Variants in ZNF808 observed in about 807,000 individuals in gnomAD.
The protein encoded by ZNF808 is zinc finger protein 808.
ZNF808 carries 5 observed loss-of-function variants against 8.7 expected under a neutral mutation model. The ratio of observed to expected loss-of-function variants is 0.58; its 90% confidence interval spans 0.30 to 1.21. ZNF808 has a LOEUF of 1.21. ZNF808 is among the 50% of genes most tolerant of loss of function. The probability of loss-of-function intolerance (pLI) is 0.07; values close to 1 mark genes in which losing one functional copy is unlikely to be tolerated. For missense variants in ZNF808, 1,103 were observed against 1,098.4 expected, an observed-to-expected ratio of 1.00 and a Z score of -0.06; for synonymous variants, 380 against 366.0, an observed-to-expected ratio of 1.04 and a Z score of -0.44.
At chr19:52,550,070 T>C (rs326449) in intron 4 of ZNF808, among the ~76,000 whole-genome samples, 51,702 of 152,002 alleles carry the variant, frequency 0.34, 9,752 homozygotes, top group East Asian at 0.52. Context: ...GTACTGCCTG[T>C]GCTGACTATT....
At chr19:52,568,494 A>T (rs922347346), downstream of ZNF808, among the ~76,000 whole-genome samples, 2 of 140,058 alleles carry the variant, frequency 1.4e-5, no homozygotes, top group Non-Finnish European at 3.3e-5. Context: ...ACCTCCTGGC[A>T]TCATTGTCCC....
chr19:52,564,107 G>A (rs1216904113), exon 4 of ZNF808: 12 of 660,198 alleles, frequency 1.8e-5, no homozygotes, highest in East Asian at 1.8e-4. Context: ...AGGATTAAGC[G>A]GTTTCTGGCC....
In ZNF808 at chr19:52,555,615, G is replaced by A. The variant is rs2059829333; in HGVS notation, c.2699G>A (p.Gly900Glu). 4 of 1,597,798 alleles carry A rather than the reference G, an allele frequency of 2.5e-6. No individual in the cohort carries two copies. The highest frequency in any genetic ancestry group is 2.6e-6 in the Non-Finnish European group (3 of 1,172,890). ...LIHHQAIHGIGKFD is the reference protein window; with the variant it reads ...LIHHQAIHGIEKFD The stretch of plus-strand genomic sequence containing the variant: ...CACCATCAGGCAATTCATGGTATAG[G>A]GAAATTTGATTAATATAATGATTGT... Residue 900 changes from glycine to glutamate, a missense_variant, in exon 5 of 5, where the codon GGG becomes GAG. Transcript: ENST00000359798.
downstream of ZNF808, among the ~76,000 whole-genome samples, chr19:52,559,058 G>A (rs1447572502): frequency 6.6e-6 from 1 of 152,194 alleles, no homozygotes; most frequent in Non-Finnish European, 1.5e-5. Context: ...GTGATAGCCT[G>A]AGATATGGCC....
At chr19:52,540,547 T>C (rs1335837345) in intron 2 of ZNF808, among the ~76,000 whole-genome samples, 1 of 152,214 alleles carries the variant, frequency 6.6e-6, no homozygotes, top group African/African-American at 2.4e-5. Context: ...ACCTTTTTTC[T>C]TTACCCTAAC....
At chr19:52,542,968 G>GGGGGGA (rs1568483345) in intron 2 of ZNF808, among the ~76,000 whole-genome samples, 12 of 144,796 alleles carry the variant, frequency 8.3e-5, no homozygotes, top group African/African-American at 3.3e-4. Context: ...TGGGGGGGGG[G>GGGGGGA]TGGAGGCTTT....
At chr19:52,561,246 T>TGTAAGA (rs2059857325), downstream of ZNF808, among the ~76,000 whole-genome samples, 1 of 144,918 alleles carries the variant, frequency 6.9e-6, no homozygotes, top group East Asian at 2.0e-4. Flanking sequence ...ATATACACTT[T>TGTAAGA]TTTTATTATA....
chr19:52,533,809 C>T (rs543628050), intron 2 of ZNF808, among the ~76,000 whole-genome samples: 1 of 119,636 alleles, frequency 8.4e-6, no homozygotes, highest in Admixed American at 1.2e-4. Context: ...TGCCACTGCA[C>T]TGTAGCCTGG....
At chr19:52,534,824 G>T (rs2059590239) in intron 2 of ZNF808, among the ~76,000 whole-genome samples, 1 of 152,066 alleles carries the variant, frequency 6.6e-6, no homozygotes, top group African/African-American at 2.4e-5. Flanking sequence ...AGGAGGCAGA[G>T]GCTGCAGTGA....
At position 52,555,024 on chromosome 19, in the gene ZNF808, G is replaced by T. The variant is rs371915495; in HGVS notation, c.2108G>T (p.Gly703Val). The T allele has an allele frequency of 8.7e-6, 14 of 1,613,546 alleles. No individual in the cohort carries two copies. The highest frequency in any genetic ancestry group is 1.3e-5 in the African/African-American group (1 of 74,736). The change falls in exon 5 of 5, where the codon GGA (glycine) becomes GTA (valine). Residue 703 changes from glycine to valine, a missense_variant. Transcript: ENST00000359798. ...GCAAAACATACTAGAATTCACAGTG[G>T]AATGAAACCTTACAAGTGTAATGAG... ...YVAKHTRIHS[G>V]MKPYKCNECS... is the part of the protein sequence containing the mutation.
At position 52,538,420 on chromosome 19, in the gene ZNF808, A is replaced by AGT. The variant is rs2059634495; in HGVS notation, c.-19-4846_-19-4845insGT. Among the ~76,000 whole-genome samples the AGT allele has an allele frequency of 2.6e-5, 4 of 150,950 alleles. No individual in the cohort carries two copies. In the Admixed American group the frequency reaches 2.7e-4, roughly 10 times the overall value. On this transcript the variant is annotated intron_variant, in intron 2 of 4. Coordinates refer to ENST00000359798, the MANE Select transcript of ZNF808 (RefSeq NM_001039886.4). Reference sequence around the variant, plus strand: ...TGCAATGGCACAATCTTGGCTAATGACTCTCTGTGCCTTTAGAGTTGAAGC... The same window carrying AGT: ...TGCAATGGCACAATCTTGGCTAATGAGTCTCTCTGTGCCTTTAGAGTTGAAGC...
At chr19:52,558,087 CTTTTTTTT>C (rs11410246), downstream of ZNF808, among the ~76,000 whole-genome samples, 1 of 44,304 alleles carries the variant, frequency 2.3e-5, no homozygotes, top group South Asian at 9.6e-4. Context: ...TTCTTTCTTT[CTTTTTTTT>C]TTTTTTTTGA....
chr19:52,536,866 A>G lies in ZNF808; in HGVS notation c.-20+3857A>G, dbSNP rs190080580. Among the ~76,000 whole-genome samples the G allele has an allele frequency of 9.4e-3, 1,428 of 152,252 alleles. 8 individuals carry two copies. The highest frequency in any genetic ancestry group is 0.013 in the Non-Finnish European group (885 of 68,030). ...TAATATGTAGAGATTGAGGACGATC[A>G]AAAGATTGGGGAGAAGGAGCAACAA... On this transcript the variant is annotated intron_variant, in intron 2 of 4. Transcript: ENST00000359798.
chr19:52,537,258 G>T (rs1269354027), intron 2 of ZNF808, among the ~76,000 whole-genome samples: 1 of 151,974 alleles, frequency 6.6e-6, no homozygotes, highest in Non-Finnish European at 1.5e-5. Context: ...GAGGGAAGAA[G>T]GGGATAAATA....
intron 2 of ZNF808, among the ~76,000 whole-genome samples, chr19:52,538,540 A>T (rs1183874925): frequency 6.7e-6 from 1 of 150,068 alleles, no homozygotes; most frequent in Non-Finnish European, 1.5e-5. Context: ...AGGCAGGAGA[A>T]TCACTTGAAC....
intron 2 of ZNF808, among the ~76,000 whole-genome samples, chr19:52,536,224 C>T (rs1033718558): frequency 2.6e-5 from 4 of 152,166 alleles, no homozygotes; most frequent in African/African-American, 9.7e-5. Context: ...TGAACTCGTC[C>T]GGAGGCTGGT....
chr19:52,537,687 C>CAAAA (rs11330924), intron 2 of ZNF808, among the ~76,000 whole-genome samples: 2 of 117,074 alleles, frequency 1.7e-5, no homozygotes, highest in African/African-American at 5.8e-5. Context: ...GACCCTGTCT[C>CAAAA]AAAAAAAAAA....
intron 4 of ZNF808, among the ~76,000 whole-genome samples, chr19:52,550,338 C>T (rs1049946532): frequency 7.3e-5 from 11 of 151,656 alleles, no homozygotes; most frequent in Non-Finnish European, 1.3e-4. Flanking sequence ...TTAAGCGATT[C>T]TCCTTCCTCA....
intron 1 of ZNF808, among the ~76,000 whole-genome samples, chr19:52,529,393 T>A (rs1016975759): frequency 6.6e-6 from 1 of 151,906 alleles, no homozygotes; most frequent in Non-Finnish European, 1.5e-5. Context: ...AAAGAAAAAA[T>A]GGGGCGAGAG....
Sources: gnomAD v4.1 joint callset for allele counts (sites outside exome capture counted in the v4.1 genomes callset) on GRCh38, gnomAD v4.1.1 for gene constraint, MANE v1.5 for transcripts, NCBI Gene and HGNC (gene_info 2026-07-23, HGNC 2026-07-21) for gene names.